The following TMEM132D variants were observed in gnomAD, a reference collection of about 807,000 sequenced individuals.
TMEM132D encodes the protein mature OL transmembrane protein.
A neutral mutation model predicts 62.3 loss-of-function variants in TMEM132D; 21 were observed. The ratio of observed to expected loss-of-function variants is 0.34; its 90% CI spans 0.24 to 0.49. The LOEUF is 0.49. Ranked by LOEUF, TMEM132D falls within the 20% of genes least tolerant of loss-of-function variation. TMEM132D has a pLI of 0.99. For missense variants in TMEM132D, 1,346 were observed against 1,402.8 expected (o/e 0.96, Z 0.65); for synonymous variants, 621 against 575.6 (o/e 1.08, Z -1.13).
intron 2 of TMEM132D, among the ~76,000 whole-genome samples, chr12:129,602,407 T>G (rs1051293247): frequency 2.0e-5 from 3 of 151,990 alleles, no homozygotes; most frequent in African/African-American, 7.3e-5. Flanking sequence ...GGAATTTCAC[T>G]GGTTTATTTA....
At chr12:129,202,039 T>C (rs760961242) in intron 5 of TMEM132D, among the ~76,000 whole-genome samples, 1 of 151,674 alleles carries the variant, frequency 6.6e-6, no homozygotes, top group Non-Finnish European at 1.5e-5. Context: ...AAAACGAGCA[T>C]CCTTGGGAGG....
At chr12:129,722,755 T>TA (rs1373524577) in intron 1 of TMEM132D, among the ~76,000 whole-genome samples, 1 of 148,676 alleles carries the variant, frequency 6.7e-6, no homozygotes, top group Non-Finnish European at 1.5e-5. Flanking sequence ...TTTTTTTTTT[T>TA]TTGAGATGGG....
intron 5 of TMEM132D, among the ~76,000 whole-genome samples, chr12:129,184,070 C>G (rs746852919): frequency 6.6e-6 from 1 of 152,184 alleles, no homozygotes; most frequent in Non-Finnish European, 1.5e-5. Flanking sequence ...GCTGGGAGGA[C>G]AGTGTGTTCC....
intron 1 of TMEM132D, among the ~76,000 whole-genome samples, chr12:129,780,341 G>T (rs918063974): frequency 3.4e-4 from 6 of 17,402 alleles, no homozygotes; most frequent in African/African-American, 1.3e-3. Flanking sequence ...TGGTGGGGAG[G>T]GGGGGGGCCG....
intron 5 of TMEM132D, among the ~76,000 whole-genome samples, chr12:129,156,119 C>T (rs562110563): frequency 2.0e-5 from 3 of 151,798 alleles, no homozygotes; most frequent in East Asian, 1.9e-4. Context: ...CATACTCCCA[C>T]GATAACCAAC....
At chr12:129,787,177 G>GA (rs1199251525) in intron 1 of TMEM132D, among the ~76,000 whole-genome samples, 1 of 152,158 alleles carries the variant, frequency 6.6e-6, no homozygotes, top group Non-Finnish European at 1.5e-5. Flanking sequence ...ATGCTACTCT[G>GA]AAATTCCTTC....
chr12:129,628,550 G>A (rs572234271), intron 2 of TMEM132D, among the ~76,000 whole-genome samples: 1 of 152,164 alleles, frequency 6.6e-6, no homozygotes, highest in South Asian at 2.1e-4. Context: ...ACTATGTGCT[G>A]GGAACTCTGC....
chr12:129,262,082 A>C (rs1189573113), intron 4 of TMEM132D, among the ~76,000 whole-genome samples: 2 of 152,108 alleles, frequency 1.3e-5, no homozygotes, highest in African/African-American at 4.8e-5. Flanking sequence ...CCCCTGGCTG[A>C]AAATTTGCAT....
At chr12:129,802,485 T>C (rs201469319) in intron 1 of TMEM132D, among the ~76,000 whole-genome samples, 3,272 of 107,454 alleles carry the variant, frequency 0.03, 27 homozygotes, top group African/African-American at 0.034. Flanking sequence ...GACAAGCAAA[T>C]GCTGAGAAAT....
intron 3 of TMEM132D, among the ~76,000 whole-genome samples, chr12:129,426,290 C>A (rs188468768): frequency 6.6e-6 from 1 of 152,154 alleles, no homozygotes; most frequent in Non-Finnish European, 1.5e-5. Context: ...AAGAAAACAG[C>A]AGGAGAAAGG....
chr12:129,139,827 C>G (rs568244958), intron 5 of TMEM132D, among the ~76,000 whole-genome samples: 32 of 152,220 alleles, frequency 2.1e-4, no homozygotes, highest in African/African-American at 7.7e-4. Flanking sequence ...CCTCCCACCA[C>G]AGACTCCTGA....
At chr12:129,358,433 C>T (rs1363243909) in intron 3 of TMEM132D, among the ~76,000 whole-genome samples, 14 of 152,136 alleles carry the variant, frequency 9.2e-5, no homozygotes, top group Non-Finnish European at 1.5e-5. Context: ...CTCTACAGCT[C>T]CACGTGCAGC....
chr12:129,677,192 T>C (rs1353409950), intron 2 of TMEM132D, among the ~76,000 whole-genome samples: 1 of 152,196 alleles, frequency 6.6e-6, no homozygotes, highest in East Asian at 1.9e-4. Flanking sequence ...GAGAGGAACC[T>C]GGTGGGAGGT....
intron 1 of TMEM132D, among the ~76,000 whole-genome samples, chr12:129,866,307 G>T (rs1874058810): frequency 6.6e-6 from 1 of 152,074 alleles, no homozygotes; most frequent in Admixed American, 6.5e-5. Context: ...CATGGATGAA[G>T]CAGGAAACCA....
intron 1 of TMEM132D, among the ~76,000 whole-genome samples, chr12:129,889,227 C>T (rs1023671928): frequency 1.4e-4 from 22 of 152,136 alleles, no homozygotes; most frequent in Non-Finnish European, 2.5e-4. Flanking sequence ...TGAACAAATA[C>T]GTCTCCTTTT....
At position 129,395,931 on chromosome 12, in the gene TMEM132D, A is replaced by G. The variant is rs1216988735; in HGVS notation, c.1116-58114T>C. The stretch of plus-strand genomic sequence containing the variant: ...ATATAATACATTATATTATACACAT[A>G]CTATATATAATGTATTATAAAATAA... On this transcript the variant is annotated intron_variant, in intron 3 of 8. Transcript: ENST00000422113. Among the ~76,000 whole-genome samples, 5 of 146,406 alleles carry G rather than the reference A, an allele frequency of 3.4e-5. No individual in the cohort carries two copies. The East Asian group carries it at 9.8e-4, about 29-fold the overall frequency.
At position 129,393,459 on chromosome 12, in the gene TMEM132D, G is replaced by T. The variant is rs141865238; in HGVS notation, c.1116-55642C>A. Among the ~76,000 whole-genome samples, 351 of 152,300 alleles carry T rather than the reference G, an allele frequency of 2.3e-3. 2 individuals are homozygous for T. Among genetic ancestry groups the T allele is most frequent in the African/African-American group, 8.0e-3 (334 of 41,568 alleles). ...CTTTCCAGAATCACAGGGGCTGAAGGTGGTGGCTGAGAGTGCGTTAAGGGG... is the reference window on the plus strand; with the variant it reads ...CTTTCCAGAATCACAGGGGCTGAAGTTGGTGGCTGAGAGTGCGTTAAGGGG... On this transcript the variant is annotated intron_variant, in intron 3 of 8. Transcript: ENST00000422113.
chr12:129,801,091 G>A (rs1303074333), intron 1 of TMEM132D, among the ~76,000 whole-genome samples: 1 of 152,196 alleles, frequency 6.6e-6, no homozygotes. Context: ...CTGATGGCTA[G>A]CACAGCAGTC....
chr12:129,304,662 C>CT (rs35812965), intron 4 of TMEM132D, among the ~76,000 whole-genome samples: 4,753 of 93,652 alleles, frequency 0.051, 184 homozygotes, highest in Admixed American at 0.067. Flanking sequence ...ATACTTGGAT[C>CT]TTTTTTTTTT....
Sources: allele counts gnomAD v4.1 joint callset (sites outside exome capture counted in the v4.1 genomes callset), GRCh38; gene constraint gnomAD v4.1.1; transcripts MANE v1.5; gene names NCBI Gene and HGNC (gene_info 2026-07-23, HGNC 2026-07-21).